The following ZNF45 variants were observed in gnomAD, a reference collection of about 807,000 sequenced individuals.
The protein encoded by ZNF45 is zinc finger protein 45, also known as BRC1744.
Under a neutral mutation model 12.0 loss-of-function variants are expected in ZNF45, and 4 were observed. That is an observed-to-expected ratio of 0.33 (90% CI 0.16 to 0.76). ZNF45 has a LOEUF of 0.76. Ranked by LOEUF, ZNF45 falls within the 30% of genes least tolerant of loss-of-function variation. The pLI is 0.60. For missense variants in ZNF45, 700 were observed against 813.0 expected (o/e 0.86, Z 1.69); for synonymous variants, 272 against 279.6 (o/e 0.97, Z 0.27).
intron 3 of ZNF45, chr19:43,931,333 G>C (rs138602621): frequency 0.017 from 2,578 of 152,266 alleles, 20 homozygotes; most frequent in Middle Eastern, 0.054. Flanking sequence ...AGGAATTCAA[G>C]ACCAGCCTAG....
At chr19:43,930,419 A>C (rs1051125812) in intron 3 of ZNF45, among the ~76,000 whole-genome samples, 1 of 152,168 alleles carries the variant, frequency 6.6e-6, no homozygotes, top group East Asian at 1.9e-4. Context: ...AATAAAGAAC[A>C]CAGAAGTTCA....
At position 43,914,983 on chromosome 19, in the gene ZNF45, A is replaced by G. The variant is rs2022783089; in HGVS notation, c.453T>C (p.His151=). The change falls in exon 10 of 10, where the codon CAT becomes CAC. Residue 151 remains histidine, a synonymous_variant. Coordinates refer to ENST00000269973, the MANE Select transcript of ZNF45 (RefSeq NM_003425.4). ...CAGTGTGGACTCTGTGAACTTGAAG[A>G]TGGGAACTCTGATTACTGAATCCCT... ...KDEGFSNQSS[H]LQVHRVHTGE... is the part of the protein sequence containing the mutation. 1.2e-6 allele frequency: 2 copies of G among 1,604,642 alleles called. No individual in the cohort carries two copies. Among genetic ancestry groups the G allele is most frequent in the East Asian group, 2.2e-5 (1 of 44,640 alleles).
At chr19:43,922,661 GATTAACAATGAGAGA>G (rs1009139660) in intron 6 of ZNF45, among the ~76,000 whole-genome samples, 1 of 152,056 alleles carries the variant, frequency 6.6e-6, no homozygotes, top group African/African-American at 2.4e-5. Flanking sequence ...AAAATGAAGA[GATTAACAATGAGAGA>G]ATTAACAATC....
chr19:43,920,656 A>G (rs1473193196), intron 7 of ZNF45, among the ~76,000 whole-genome samples: 1 of 133,996 alleles, frequency 7.5e-6, no homozygotes, highest in African/African-American at 2.8e-5. Context: ...GCTGGAGTGC[A>G]GTGGTACGAT....
At chr19:43,923,975 T>A (rs1011029528) in intron 6 of ZNF45, among the ~76,000 whole-genome samples, 193 of 105,916 alleles carry the variant, frequency 1.8e-3, no homozygotes, top group Middle Eastern at 0.014. Context: ...AAAAAAAAAA[T>A]CTAAAAAAAA....
rs965222716 is a variant in ZNF45, at chr19:43,913,391, C to T, written c.2045G>A (p.Arg682Gln). The T allele has an allele frequency of 4.6e-6, 7 of 1,530,914 alleles. No individual in the cohort carries two copies. Among genetic ancestry groups the T allele is most frequent in the South Asian group, 2.6e-5 (2 of 76,990 alleles). The allele number at this position is 1,530,914 out of a possible 1,614,324, so 94.8% of individuals were successfully genotyped here. ...PSSEDSHRKTR is the reference protein window; with the variant it reads ...PSSEDSHRKTQ ...TCTGAGATAGTAAAACATATTTTAT[C>T]GAGTTTTCCTGTGTGAATCCTCTGA... is the stretch of plus-strand genomic sequence containing the variant. The change falls in exon 10 of 10, where the codon CGA becomes CAA. Residue 682 changes from arginine (R) to glutamine (Q), a missense_variant. Physicochemically the swap from Arg to Gln is conservative, Grantham distance 43 (BLOSUM62 1). Coordinates refer to ENST00000269973, the MANE Select transcript of ZNF45 (RefSeq NM_003425.4).
At position 43,934,500 on chromosome 19, in the gene ZNF45, G is replaced by A. The variant is rs1380297573; in HGVS notation, c.-561C>T. 1 of 145,616 alleles carries A rather than the reference G, an allele frequency of 6.9e-6. No homozygotes were observed. The highest frequency in any genetic ancestry group is 2.5e-5 in the African/African-American group (1 of 39,586). 9.0% of individuals were successfully genotyped at this position (145,616 alleles called of 1,614,324 possible). On this transcript the variant is annotated 5_prime_UTR_variant, in exon 2 of 10. Transcript: ENST00000269973. ...AGTGGGGCTCTGCTGCCAGAAGCCA[G>A]GATGCTCTCCTTCCTCCTCTCCCGC...
At chr19:43,918,513 G>T (rs1004584143) in intron 9 of ZNF45, among the ~76,000 whole-genome samples, 2 of 152,172 alleles carry the variant, frequency 1.3e-5, no homozygotes, top group African/African-American at 4.8e-5. Flanking sequence ...CTGTAAGGAC[G>T]CAGCAAAGAA....
At chr19:43,927,544 C>T (rs1320721275) in intron 3 of ZNF45, among the ~76,000 whole-genome samples, 1 of 152,036 alleles carries the variant, frequency 6.6e-6, no homozygotes, top group Admixed American at 6.6e-5. Flanking sequence ...GCATAGCAAA[C>T]CCCCAATATA....
At chr19:43,922,820 G>GTTTTTTTTTTTTTTTTTTTTTTTTT (rs368057244) in intron 6 of ZNF45, among the ~76,000 whole-genome samples, 1 of 86,506 alleles carries the variant, frequency 1.2e-5, no homozygotes, top group Non-Finnish European at 2.1e-5. Flanking sequence ...TAAATTCTTT[G>GTTTTTTTTTTTTTTTTTTTTTTTTT]TTTTTTTTTT....
chr19:43,922,826 T>TG (rs1555747326), intron 6 of ZNF45, among the ~76,000 whole-genome samples: 2 of 139,730 alleles, frequency 1.4e-5, no homozygotes, highest in Non-Finnish European at 3.1e-5. Flanking sequence ...CTTTGTTTTT[T>TG]TTTTTTTTTT....
chr19:43,926,704 C>T (rs1359110582), intron 3 of ZNF45, among the ~76,000 whole-genome samples: 1 of 152,146 alleles, frequency 6.6e-6, no homozygotes, highest in Non-Finnish European at 1.5e-5. Context: ...GCTCATAAGC[C>T]CACAGTGGAA....
intron 9 of ZNF45, among the ~76,000 whole-genome samples, chr19:43,917,874 TATA>T (rs906560929): frequency 6.6e-6 from 1 of 152,218 alleles, no homozygotes; most frequent in Non-Finnish European, 1.5e-5. Context: ...TTGCCCAGGT[TATA>T]ATGTTTCTAA....
At chr19:43,921,677 G>C (rs1973197722) in intron 7 of ZNF45, among the ~76,000 whole-genome samples, 1 of 152,086 alleles carries the variant, frequency 6.6e-6, no homozygotes, top group African/African-American at 2.4e-5. Flanking sequence ...GAAAACTGTA[G>C]TAACAATTTT....
chr19:43,918,762 G>GA (rs939431236), intron 9 of ZNF45, 108 bp downstream of exon 9: 9 of 842,066 alleles, frequency 1.1e-5, no homozygotes, highest in Admixed American at 4.6e-5. Context: ...TCATCAGGGG[G>GA]AAAAAAACTG....
intron 9 of ZNF45, among the ~76,000 whole-genome samples, chr19:43,915,807 C>T (rs1038480419): frequency 6.6e-6 from 1 of 152,152 alleles, no homozygotes; most frequent in African/African-American, 2.4e-5. Context: ...GTGGAAAAAC[C>T]ATCTTCCAAC....
intron 3 of ZNF45, 50 bp downstream of exon 3, chr19:43,932,554 G>A (rs966523656): frequency 1.3e-5 from 2 of 152,194 alleles, no homozygotes; most frequent in Admixed American, 1.3e-4. Context: ...ATTGCAAGCT[G>A]TAGCACCCAA....
At chr19:43,919,485 C>T in intron 8 of ZNF45, 88 bp downstream of exon 8, 1 of 1,456,484 alleles carries the variant, frequency 6.9e-7, no homozygotes, top group South Asian at 1.4e-5. Flanking sequence ...AACTGAAAAC[C>T]AGTTCAAGAG....
intron 2 of ZNF45, among the ~76,000 whole-genome samples, chr19:43,933,311 A>T (rs1384650943): frequency 6.6e-6 from 1 of 152,044 alleles, no homozygotes; most frequent in Admixed American, 6.5e-5. Context: ...TTTACTATAA[A>T]CACAAAAATT....
Sources: allele counts gnomAD v4.1 joint callset (sites outside exome capture counted in the v4.1 genomes callset), GRCh38; gene constraint gnomAD v4.1.1; transcripts MANE v1.5; gene names NCBI Gene and HGNC (gene_info 2026-07-23, HGNC 2026-07-21).